Variants in C7 observed in about 807,000 individuals in gnomAD.
C7 encodes complement C7.
A neutral mutation model predicts 104.8 loss-of-function variants in C7; 83 were observed. The ratio of observed to expected loss-of-function variants is 0.79; its 90% CI spans 0.66 to 0.95. C7 has a LOEUF of 0.95. Among genes scored for constraint, C7 ranks in the 40% least tolerant of loss-of-function variants. C7 has a pLI of 0.00. For missense variants in C7, 1,070 were observed against 1,011.2 expected (o/e 1.06, Z -0.79); for synonymous variants, 415 against 360.6 (o/e 1.15, Z -1.71).
At chr5:40,922,076 C>T (rs1728409445) in intron 1 of C7, among the ~76,000 whole-genome samples, 1 of 139,920 alleles carries the variant, frequency 7.1e-6, no homozygotes, top group African/African-American at 2.6e-5. Flanking sequence ...ACAAAAACAA[C>T]AACAAAAAAT....
chr5:40,968,956 T>A (rs2167232), intron 14 of C7, among the ~76,000 whole-genome samples: 31,095 of 151,842 alleles, frequency 0.2, 3,872 homozygotes, highest in South Asian at 0.4. Context: ...TTTTACTGCA[T>A]AGTGAATTTT....
chr5:40,931,957 A>T (rs1454126727), intron 3 of C7, among the ~76,000 whole-genome samples: 1 of 152,052 alleles, frequency 6.6e-6, no homozygotes, highest in Non-Finnish European at 1.5e-5. Context: ...ATGAGGTTTA[A>T]CCATCTTGGC....
intron 7 of C7, among the ~76,000 whole-genome samples, chr5:40,947,187 C>A (rs1156587945): frequency 6.7e-6 from 1 of 150,334 alleles, no homozygotes; most frequent in Non-Finnish European, 1.5e-5. Context: ...TCAATCACTG[C>A]CTCCTGGGTT....
rs10050847 is a variant in C7, at chr5:40,923,725, G to A, written c.7-4855G>A. 5.0e-3 allele frequency among the ~76,000 whole-genome samples: 748 copies of A among 149,380 alleles called. 7 individuals are homozygous for A. The highest frequency in any genetic ancestry group is 0.018 in the African/African-American group (714 of 40,610). On this transcript the variant is annotated intron_variant, in intron 1 of 17. Transcript: ENST00000313164. The stretch of plus-strand genomic sequence containing the variant: ...TGTGCCATTGCACTCCAGCCTGAGC[G>A]ACAGAGCAAGACTCTGTCTTAAAAA...
intron 1 of C7, among the ~76,000 whole-genome samples, chr5:40,923,249 G>A (rs1739479342): frequency 6.6e-6 from 1 of 152,102 alleles, no homozygotes; most frequent in Non-Finnish European, 1.5e-5. Flanking sequence ...ATTGTATTAG[G>A]CCATTATTTG....
chr5:40,970,205 C>A (rs1740669236), intron 14 of C7, among the ~76,000 whole-genome samples: 1 of 152,136 alleles, frequency 6.6e-6, no homozygotes, highest in African/African-American at 2.4e-5. Context: ...GCTTTCAGTG[C>A]ATCCATCAAA....
At chr5:40,918,949 G>GACTCAC (rs1739382429) in intron 1 of C7, among the ~76,000 whole-genome samples, 1 of 138,316 alleles carries the variant, frequency 7.2e-6, no homozygotes, top group African/African-American at 2.8e-5. Flanking sequence ...GAATCTAACA[G>GACTCAC]ACACACACAC....
intron 6 of C7, among the ~76,000 whole-genome samples, chr5:40,937,999 ACTGGTAATGATAGTCTCCTGACACT>A (rs1739852941): frequency 6.6e-6 from 1 of 152,136 alleles, no homozygotes; most frequent in Non-Finnish European, 1.5e-5. Context: ...CCTGTCCATG[ACTGGTAATGATAGTCTCCTGACACT>A]GCTACAGTGT....
intron 1 of C7, among the ~76,000 whole-genome samples, chr5:40,921,049 CAAA>C (rs34006222): frequency 1.8e-4 from 23 of 126,316 alleles, no homozygotes; most frequent in East Asian, 4.5e-4. Flanking sequence ...ACTCTGTCTC[CAAA>C]AAAAAAAAAA....
At chr5:40,921,197 A>T (rs1739431237) in intron 1 of C7, among the ~76,000 whole-genome samples, 1 of 152,212 alleles carries the variant, frequency 6.6e-6, no homozygotes, top group Non-Finnish European at 1.5e-5. Context: ...AAAATCAAGA[A>T]ATAAATTCCA....
At chr5:40,916,095 G>C (rs1169160131) in intron 1 of C7, among the ~76,000 whole-genome samples, 1 of 152,014 alleles carries the variant, frequency 6.6e-6, no homozygotes, top group Non-Finnish European at 1.5e-5. Flanking sequence ...AGTTAAAGTA[G>C]GAAAATACAT....
At chr5:40,964,184 A>G (rs748482357) in intron 13 of C7, among the ~76,000 whole-genome samples, 8 of 151,440 alleles carry the variant, frequency 5.3e-5, no homozygotes, top group Non-Finnish European at 8.8e-5. Context: ...CTGGGACTAC[A>G]GGCATGCACC....
intron 3 of C7, 102 bp downstream of exon 3, chr5:40,931,241 A>AT: frequency 1.2e-6 from 1 of 813,024 alleles, no homozygotes; most frequent in South Asian, 1.6e-5. Context: ...TAGTGTCAAT[A>AT]TTTTTTGAAA....
chr5:40,943,638 A>G lies in C7; in HGVS notation c.568-1560A>G, dbSNP rs116889194. Among the ~76,000 whole-genome samples, 571 of 151,466 alleles carry G rather than the reference A, an allele frequency of 3.8e-3. 12 individuals are homozygous for G. The East Asian group carries it at 0.054, about 14-fold the overall frequency. ...AGAGATAATAAACTAAATATTTTTT[A>G]AATCAATAATATATATGTGTGTATG... On this transcript the variant is annotated intron_variant, in intron 6 of 17. Transcript: ENST00000313164.
chr5:40,959,373 G>A, intron 11 of C7, 76 bp from the exon 12 acceptor site: 1 of 1,304,484 alleles, frequency 7.7e-7, no homozygotes, highest in Non-Finnish European at 1.1e-6. Context: ...CAATTAACTT[G>A]TTAGCAGGAA....
intron 16 of C7, among the ~76,000 whole-genome samples, chr5:40,978,140 G>GAA (rs869311131): frequency 1.9e-5 from 2 of 107,634 alleles, no homozygotes; most frequent in Admixed American, 9.7e-5. Flanking sequence ...ATCTCAAAAA[G>GAA]AAAAAAAAAA....
intron 8 of C7, among the ~76,000 whole-genome samples, chr5:40,948,670 A>G (rs867444267): frequency 6.6e-6 from 1 of 152,014 alleles, no homozygotes; most frequent in Middle Eastern, 3.4e-3. Context: ...CTTAACAACC[A>G]CTCCTCCTCT....
chr5:40,936,251 A>T, intron 4 of C7, 87 bp from the exon 5 acceptor site: 1 of 1,131,654 alleles, frequency 8.8e-7, no homozygotes, highest in Admixed American at 1.8e-5. Flanking sequence ...GCAGTGTTAC[A>T]GGTAGCAGGA....
At chr5:40,925,357 T>C (rs1048216788) in intron 1 of C7, among the ~76,000 whole-genome samples, 3 of 152,222 alleles carry the variant, frequency 2.0e-5, no homozygotes, top group African/African-American at 7.2e-5. Context: ...TTTGCTCTAA[T>C]TCCCAATAAG....
Sources: allele counts gnomAD v4.1 joint callset (sites outside exome capture counted in the v4.1 genomes callset), GRCh38; gene constraint gnomAD v4.1.1; transcripts MANE v1.5; gene names NCBI Gene and HGNC (gene_info 2026-07-23, HGNC 2026-07-21).